Variants in MFAP3 observed in about 807,000 individuals in gnomAD.
MFAP3 encodes microfibril associated protein 3, also known as microfibril-associated glycoprotein 3.
A neutral mutation model predicts 20.5 loss-of-function variants in MFAP3; 8 were observed. The observed-to-expected ratio is 0.39, with a 90% CI of 0.23 to 0.70. The LOEUF is 0.70. Among genes scored for constraint, MFAP3 ranks in the 30% least tolerant of loss-of-function variants. MFAP3 has a pLI of 0.44. For synonymous variants in MFAP3, 140 were observed against 154.0 expected (o/e 0.91, Z 0.67); for missense variants, 398 against 444.6 (o/e 0.90, Z 0.94).
chr5:154,039,094 G>C (rs1772824777), intron 1 of MFAP3, 83 bp downstream of exon 1: 1 of 152,290 alleles, frequency 6.6e-6, no homozygotes, highest in South Asian at 2.1e-4. Context: ...GCTTGGGGTC[G>C]GGAGTGCAGG....
intron 1 of MFAP3, among the ~76,000 whole-genome samples, chr5:154,046,190 G>A (rs1314815034): frequency 6.6e-6 from 1 of 152,166 alleles, no homozygotes; most frequent in Non-Finnish European, 1.5e-5. Flanking sequence ...GTAAATGAAG[G>A]TATCAGGTTG....
At chr5:154,052,394 A>T (rs775835647) in intron 2 of MFAP3, among the ~76,000 whole-genome samples, 4 of 152,022 alleles carry the variant, frequency 2.6e-5, no homozygotes, top group African/African-American at 9.7e-5. Context: ...AGGATTTTTT[A>T]AAATAATTTC....
intron 1 of MFAP3, among the ~76,000 whole-genome samples, chr5:154,041,146 A>G (rs1013910985): frequency 1.3e-5 from 2 of 151,968 alleles, no homozygotes; most frequent in Non-Finnish European, 2.9e-5. Flanking sequence ...AAAAAAAAAA[A>G]CTCATCTGAC....
At chr5:154,044,940 A>ATT (rs1773042968) in intron 1 of MFAP3, among the ~76,000 whole-genome samples, 1 of 148,280 alleles carries the variant, frequency 6.7e-6, no homozygotes, top group Non-Finnish European at 1.5e-5. Flanking sequence ...CTTTTTTTAA[A>ATT]AAAAAAAAAG....
chr5:154,050,211 A>G (rs1446851090), intron 2 of MFAP3, among the ~76,000 whole-genome samples, 194 bp downstream of exon 2: 17 of 152,206 alleles, frequency 1.1e-4, no homozygotes, highest in Admixed American at 1.1e-3. Flanking sequence ...GAAGAAAAAA[A>G]AGAATCATTC....
intron 1 of MFAP3, chr5:154,039,428 CA>C (rs1443836695): frequency 6.6e-6 from 1 of 152,278 alleles, no homozygotes; most frequent in East Asian, 1.9e-4. Context: ...GTGCAAAGGC[CA>C]TATAGTGGGA....
Position 154,053,810 on chromosome 5 carries a change from G to T in MFAP3, c.*97G>T. The T allele has an allele frequency of 8.7e-7, 1 of 1,144,502 alleles. No individual in the cohort carries two copies. Among genetic ancestry groups the T allele is most frequent in the East Asian group, 2.4e-5 (1 of 41,394 alleles). 70.9% of individuals were successfully genotyped at this position (1,144,502 alleles called of 1,614,324 possible). A position where few individuals can be genotyped will look rare whatever the true frequency, so the allele number is the denominator to read the frequency against. ...GTAACATTTTTGCCAAAAGATGACT[G>T]GGGTTTTCCGTTTGTTAATATTAAG... On this transcript the variant is annotated 3_prime_UTR_variant, in exon 3 of 3. Transcript: ENST00000522782.
rs1426305346 is a variant in MFAP3 at position 154,054,620 on chromosome 5, A to G, written c.*907A>G. On this transcript the variant is annotated 3_prime_UTR_variant, in exon 3 of 3. Coordinates refer to ENST00000522782, the MANE Select transcript of MFAP3 (RefSeq NM_005927.5). Reference sequence around the variant, plus strand: ...GGATTTTCATATTTCTGTTAACAGAATTTCTCAGGCTTTCCCTTTTTAAAA... The same window carrying G: ...GGATTTTCATATTTCTGTTAACAGAGTTTCTCAGGCTTTCCCTTTTTAAAA... The G allele has an allele frequency of 2.4e-5, 4 of 167,026 alleles. No homozygotes were observed. In the East Asian group the frequency reaches 7.7e-4, roughly 32 times the overall value. The allele number at this position is 167,026 out of a possible 1,614,324, so 10.3% of individuals were successfully genotyped here.
intron 1 of MFAP3, among the ~76,000 whole-genome samples, chr5:154,039,549 G>A (rs1772857077): frequency 6.6e-6 from 1 of 152,114 alleles, no homozygotes; most frequent in South Asian, 2.1e-4. Flanking sequence ...ATCTTGTAAG[G>A]CTTATGAGCA....
At chr5:154,044,154 A>G (rs1395178647) in intron 1 of MFAP3, among the ~76,000 whole-genome samples, 1 of 152,164 alleles carries the variant, frequency 6.6e-6, no homozygotes, top group Non-Finnish European at 1.5e-5. Flanking sequence ...CTCTTGCACC[A>G]CCTACTGTAC....
At position 154,057,369 on chromosome 5, in the gene MFAP3, AT is replaced by A. The variant is rs1170666863; in HGVS notation, c.*3657del. The stretch of plus-strand genomic sequence containing the variant: ...CAGCATTTTAATAAATACTTGCATT[AT>A]AATTTTGTCTCTTTTTTAAAGAAAG... On this transcript the variant is annotated 3_prime_UTR_variant, in exon 3 of 3. Transcript: ENST00000522782. Among the ~76,000 whole-genome samples, 1 of 152,226 alleles carries A rather than the reference AT, an allele frequency of 6.6e-6. No individual in the cohort carries two copies. Among genetic ancestry groups the A allele is most frequent in the Non-Finnish European group, 1.5e-5 (1 of 68,042 alleles).
In MFAP3 at chr5:154,054,458, T is replaced by C. The variant is rs1824773; in HGVS notation, c.*745T>C. 108,381 of 166,830 alleles carry C rather than the reference T, an allele frequency of 0.65. 35,549 individuals carry two copies. Among genetic ancestry groups the C allele is most frequent in the East Asian group, 0.88 (4,528 of 5,168 alleles). 10.3% of individuals were successfully genotyped at this position (166,830 alleles called of 1,614,324 possible). On this transcript the variant is annotated 3_prime_UTR_variant, in exon 3 of 3. Transcript: ENST00000522782. ...GTATCATATTTTTAACTTACTGAGATATCATTTTAGTTCATTGAGGTTGGC... is the reference window on the plus strand; with the variant it reads ...GTATCATATTTTTAACTTACTGAGACATCATTTTAGTTCATTGAGGTTGGC...
intron 2 of MFAP3, 147 bp downstream of exon 2, chr5:154,050,164 C>G: frequency 1.5e-6 from 1 of 655,890 alleles, no homozygotes; most frequent in Admixed American, 3.8e-5. Context: ...TTGTACCTAT[C>G]AGAAAATGCA....
intron 1 of MFAP3, among the ~76,000 whole-genome samples, chr5:154,041,585 A>G (rs1254431869): frequency 1.3e-5 from 2 of 152,214 alleles, no homozygotes; most frequent in East Asian, 1.9e-4. Context: ...GCCTGAATCT[A>G]TTCTTGGAGA....
intron 2 of MFAP3, among the ~76,000 whole-genome samples, chr5:154,050,596 A>G (rs1773164692): frequency 6.8e-6 from 1 of 146,860 alleles, no homozygotes; most frequent in African/African-American, 2.5e-5. Flanking sequence ...TGGAACTTGT[A>G]AGCCCTTCCA....
intron 2 of MFAP3, chr5:154,052,051 A>T (rs1256802551): frequency 1.3e-5 from 2 of 152,182 alleles, no homozygotes; most frequent in Non-Finnish European, 2.9e-5. Flanking sequence ...AAGTTATTGA[A>T]GGATGTGAAT....
In MFAP3 at chr5:154,053,006, T is replaced by C. The variant is rs1328127193; in HGVS notation, c.382T>C (p.Ser128Pro). The C allele has an allele frequency of 3.1e-6, 5 of 1,613,948 alleles. No individual in the cohort carries two copies. In the South Asian group the frequency reaches 5.5e-5, roughly 18 times the overall value. Residue 128 changes from serine to proline, a missense_variant, in exon 3 of 3, where the codon TCT becomes CCT. Coordinates refer to ENST00000522782, the MANE Select transcript of MFAP3 (RefSeq NM_005927.5). Reference sequence around the variant, plus strand: ...TGGGCTCTATACCTGTTTCGTCACCTCTCCAATTCGTGCCTCCTACTCTGT... The same window carrying C: ...TGGGCTCTATACCTGTTTCGTCACCCCTCCAATTCGTGCCTCCTACTCTGT... ...DRGLYTCFVT[S>P]PIRASYSVTL...
rs1189209871 is a variant in MFAP3, at chr5:154,052,955, A to G, written c.331A>G (p.Ile111Val). 1.9e-6 allele frequency: 3 copies of G among 1,613,536 alleles called. No individual in the cohort carries two copies. Residue 111 changes from isoleucine (I) to valine (V), a missense_variant, in exon 3 of 3, where the codon ATC becomes GTC. Ile to Val is a conservative substitution (Grantham distance 29, BLOSUM62 3). Coordinates refer to ENST00000522782, the MANE Select transcript of MFAP3 (RefSeq NM_005927.5). The stretch of plus-strand genomic sequence containing the variant: ...GTTGGTTTCTGATAACTTCCTAAAC[A>G]TCACCAATGTAGCTTTTGATGACCG... ...KWLVSDNFLN[I>V]TNVAFDDRGL...
At chr5:154,047,492 T>G (rs990690000) in intron 1 of MFAP3, among the ~76,000 whole-genome samples, 25 of 152,098 alleles carry the variant, frequency 1.6e-4, no homozygotes, top group African/African-American at 6.0e-4. Context: ...TAAAATAAAC[T>G]GGAGTTGTGG....
Sources: gnomAD v4.1 joint callset for allele counts (sites outside exome capture counted in the v4.1 genomes callset) on GRCh38, gnomAD v4.1.1 for gene constraint, MANE v1.5 for transcripts, NCBI Gene and HGNC (gene_info 2026-07-23, HGNC 2026-07-21) for gene names.